Variants in OLR1 observed in about 807,000 individuals in gnomAD.
OLR1 encodes the protein oxidized low density lipoprotein receptor 1.
OLR1 carries 23 observed loss-of-function variants against 31.7 expected under a neutral mutation model. The observed-to-expected ratio is 0.72, with a 90% CI of 0.52 to 1.03. OLR1 has a LOEUF of 1.03. Among genes scored for constraint, OLR1 ranks in the 50% least tolerant of loss-of-function variants. The probability of loss-of-function intolerance (pLI) is 0.00; values close to 1 mark genes in which losing one functional copy is unlikely to be tolerated. For synonymous variants in OLR1, 117 were observed against 115.8 expected (o/e 1.01, Z -0.07); for missense variants, 286 against 315.7 (o/e 0.91, Z 0.71).
intron 1 of OLR1, chr12:10,170,218 T>C (rs2742114): frequency 0.4 from 60,416 of 152,084 alleles, 12,820 homozygotes; most frequent in East Asian, 0.56. Flanking sequence ...ATTCAAAGTT[T>C]TCATATGTCA....
intron 1 of OLR1, 81 bp downstream of exon 1, chr12:10,171,921 T>C (rs1180284129): frequency 9.5e-7 from 1 of 1,053,450 alleles, no homozygotes; most frequent in Non-Finnish European, 1.5e-6. Flanking sequence ...TTTAGCTTTC[T>C]AATCCCATTC....
intron 2 of OLR1, among the ~76,000 whole-genome samples, chr12:10,168,791 G>T (rs35878016): frequency 1.4e-3 from 209 of 152,076 alleles, no homozygotes; most frequent in Non-Finnish European, 2.5e-3. Flanking sequence ...ACCGCACCCG[G>T]CCTATCCATG....
intron 2 of OLR1, among the ~76,000 whole-genome samples, chr12:10,168,641 G>A (rs1948682236): frequency 6.6e-6 from 1 of 152,086 alleles, no homozygotes; most frequent in African/African-American, 2.4e-5. Context: ...TTACAAGCAT[G>A]TGCCACCACA....
chr12:10,163,236 G>A (rs1948634488), intron 3 of OLR1, among the ~76,000 whole-genome samples: 4 of 151,840 alleles, frequency 2.6e-5, no homozygotes, highest in Middle Eastern at 3.2e-3. Flanking sequence ...TAGAGTCTGG[G>A]TGTTTCACCA....
intron 1 of OLR1, 33 bp downstream of exon 1, chr12:10,171,968 TC>T: frequency 6.6e-7 from 1 of 1,511,696 alleles, no homozygotes; most frequent in Non-Finnish European, 9.2e-7. Flanking sequence ...ACACTGGGAT[TC>T]TTTCCCTGTA....
chr12:10,172,321 CTAAG>C (rs1443403616), upstream of OLR1: 9 of 393,898 alleles, frequency 2.3e-5, no homozygotes, highest in Non-Finnish European at 4.2e-5. Context: ...GGATATTTCG[CTAAG>C]TAATTTATGA....
chr12:10,165,625 C>A (rs1449630698), intron 3 of OLR1, among the ~76,000 whole-genome samples: 1 of 151,322 alleles, frequency 6.6e-6, no homozygotes, highest in South Asian at 2.1e-4. Flanking sequence ...TGGCAGAATT[C>A]TTCAAGAAAA....
intron 2 of OLR1, among the ~76,000 whole-genome samples, chr12:10,168,783 C>T (rs562715861): frequency 3.9e-5 from 6 of 152,090 alleles, no homozygotes; most frequent in East Asian, 1.9e-4. Context: ...TGTGAGCCAC[C>T]GCACCCGGCC....
chr12:10,160,354 G>A lies in OLR1; in HGVS notation c.673C>T (p.Pro225Ser), dbSNP rs1389033534. The change falls in exon 5 of 6, where the codon CCC becomes TCC. Residue 225 changes from proline to serine, a missense_variant. Pro to Ser is a moderately conservative substitution (Grantham distance 74, BLOSUM62 -1). Transcript: ENST00000309539. ...AAAGAATGGGAAACTTACAAGTGGG[G>A]CATCAAAGGAGAACCGTCCTCCCAG... Reference protein sequence around the residue: ...WLWEDGSPLMPHLFRVRGAVS... With the variant: ...WLWEDGSPLMSHLFRVRGAVS... The A allele has an allele frequency of 1.2e-6, 2 of 1,611,302 alleles. No homozygotes were observed. Among genetic ancestry groups the A allele is most frequent in the East Asian group, 2.2e-5 (1 of 44,848 alleles).
intron 3 of OLR1, among the ~76,000 whole-genome samples, chr12:10,164,718 A>G (rs1303711149): frequency 6.6e-6 from 1 of 152,150 alleles, no homozygotes; most frequent in Admixed American, 6.5e-5. Context: ...CTAAAACCAT[A>G]TACCTGATGT....
intron 3 of OLR1, among the ~76,000 whole-genome samples, chr12:10,162,534 A>G (rs1948628730): frequency 6.6e-6 from 1 of 152,240 alleles, no homozygotes; most frequent in Admixed American, 6.5e-5. Context: ...ATATAAATAT[A>G]TGTACGTTTT....
rs1300464325 is a variant in OLR1, at chr12:10,158,879, G to C, written c.*1001C>G. 2 of 151,982 alleles carry C rather than the reference G, an allele frequency of 1.3e-5. No homozygotes were observed. Among genetic ancestry groups the C allele is most frequent in the South Asian group, 4.2e-4 (2 of 4,816 alleles). 9.4% of individuals were successfully genotyped at this position (151,982 alleles called of 1,614,324 possible). On this transcript the variant is annotated 3_prime_UTR_variant, in exon 6 of 6. Coordinates refer to ENST00000309539, the MANE Select transcript of OLR1 (RefSeq NM_002543.4). ...AAAGTAGAATAGCCTGTGAAGAGTG[G>C]GTGGAAAGGAAATAGAAGCCTAAAA...
chr12:10,169,758 A>C (rs1225939443), intron 1 of OLR1, among the ~76,000 whole-genome samples: 2 of 152,256 alleles, frequency 1.3e-5, no homozygotes, highest in Non-Finnish European at 2.9e-5. Flanking sequence ...TATTAATCAA[A>C]GAAAAGTAGG....
intron 2 of OLR1, 128 bp from the exon 3 acceptor site, chr12:10,167,085 A>G: frequency 1.2e-6 from 1 of 858,298 alleles, no homozygotes; most frequent in Non-Finnish European, 1.8e-6. Flanking sequence ...AATGACCCAG[A>G]TTTACTCAGA....
At chr12:10,171,426 A>G (rs1359116602) in intron 1 of OLR1, among the ~76,000 whole-genome samples, 80 of 152,374 alleles carry the variant, frequency 5.3e-4, no homozygotes, top group Admixed American at 5.2e-3. Context: ...TTTTCAAAGC[A>G]GTAGTACACA....
At position 10,169,147 on chromosome 12, in the gene OLR1, C is replaced by G; in HGVS notation, c.105G>C (p.Trp35Cys). The part of the protein sequence containing the change: ...KGLQFLYSPW[W>C]CLAAATLGVL... Reference sequence around the variant, plus strand: ...CCCCTAGAGTCGCAGCAGCCAGGCACCACCATGGAGAGTAAAGAAACTGAA... The same window carrying G: ...CCCCTAGAGTCGCAGCAGCCAGGCAGCACCATGGAGAGTAAAGAAACTGAA... The change falls in exon 2 of 6, where the codon TGG becomes TGC. Residue 35 changes from tryptophan to cysteine, a missense_variant. Transcript: ENST00000309539. The G allele has an allele frequency of 6.2e-7, 1 of 1,613,842 alleles. No homozygotes were observed. The highest frequency in any genetic ancestry group is 1.1e-5 in the South Asian group (1 of 91,056).
At chr12:10,166,447 G>A (rs1948662380) in intron 3 of OLR1, among the ~76,000 whole-genome samples, 2 of 151,312 alleles carry the variant, frequency 1.3e-5, no homozygotes, top group South Asian at 4.2e-4. Context: ...AGAATCACTT[G>A]AACCCAGGGG....
Position 10,160,395 on chromosome 12 carries a change from G to A in OLR1, c.632C>T (p.Pro211Leu). 1 of 1,613,922 alleles carries A rather than the reference G, an allele frequency of 6.2e-7. No homozygotes were observed. Among genetic ancestry groups the A allele is most frequent in the Non-Finnish European group, 8.5e-7 (1 of 1,179,956 alleles). ...PFWMGLSRRN[P>L]SYPWLWEDGS... ...GTCCTCCCAGAGCCATGGGTAGCTG[G>A]GGTTCCTCCGAGACAGCCCCATCCA... Residue 211 changes from proline (P) to leucine (L), a missense_variant, in exon 5 of 6, where the codon CCC (proline) becomes CTC (leucine). Physicochemically the swap from Pro to Leu is moderately conservative, Grantham distance 98. Transcript: ENST00000309539.
chr12:10,160,080 G>T, intron 5 of OLR1, 59 bp from the exon 6 acceptor site: 1 of 1,542,218 alleles, frequency 6.5e-7, no homozygotes. Flanking sequence ...CTGCCACCTT[G>T]TTTCAGAAAC....
Sources: gnomAD v4.1 joint callset for allele counts (sites outside exome capture counted in the v4.1 genomes callset) on GRCh38, gnomAD v4.1.1 for gene constraint, MANE v1.5 for transcripts, NCBI Gene and HGNC (gene_info 2026-07-23, HGNC 2026-07-21) for gene names.